The following ATRN variants were observed in gnomAD, a reference collection of about 807,000 sequenced individuals.
ATRN encodes attractin-2.
A neutral mutation model predicts 178.7 loss-of-function variants in ATRN; 54 were observed. The ratio of observed to expected loss-of-function variants is 0.30; its 90% CI spans 0.24 to 0.38. ATRN has a LOEUF of 0.38. ATRN is among the 10% of genes least tolerant of loss of function. The probability of loss-of-function intolerance (pLI) is 1.00; values close to 1 mark genes in which losing one functional copy is unlikely to be tolerated. For missense variants in ATRN, 1,443 were observed against 1,815.1 expected, an observed-to-expected ratio of 0.79 and a Z score of 3.73; for synonymous variants, 636 against 663.0, an observed-to-expected ratio of 0.96 and a Z score of 0.63.
At chr20:3,544,181 C>G (rs767795255) in intron 3 of ATRN, among the ~76,000 whole-genome samples, 1 of 152,140 alleles carries the variant, frequency 6.6e-6, no homozygotes, top group Non-Finnish European at 1.5e-5. Context: ...CATGTACGGT[C>G]CATTGTTTTG....
In ATRN at chr20:3,554,749, G is replaced by A. The variant is rs145432027; in HGVS notation, c.1113-4644G>A. 2.7e-3 allele frequency among the ~76,000 whole-genome samples: 409 copies of A among 152,144 alleles called. 4 individuals carry two copies. Among genetic ancestry groups the A allele is most frequent in the African/African-American group, 9.4e-3 (391 of 41,476 alleles). ...CAAAACTTTTTAGTTGCATTAAAAA[G>A]CAATTCCCATTTTGTTACCCAATGG... On this transcript the variant is annotated intron_variant, in intron 6 of 28. Coordinates refer to ENST00000262919, the MANE Select transcript of ATRN (RefSeq NM_139321.3).
intron 20 of ATRN, among the ~76,000 whole-genome samples, chr20:3,595,344 G>C (rs1340386948): frequency 6.6e-6 from 1 of 152,176 alleles, no homozygotes; most frequent in Non-Finnish European, 1.5e-5. Flanking sequence ...AAAGTGTTTA[G>C]TGTCAAAACA....
chr20:3,611,571 G>C (rs560310408), intron 24 of ATRN, among the ~76,000 whole-genome samples: 136 of 152,062 alleles, frequency 8.9e-4, no homozygotes, highest in Non-Finnish European at 1.6e-3. Flanking sequence ...GCAAAACCCC[G>C]TCTCTACTAA....
At chr20:3,602,159 G>C (rs1055469647) in intron 23 of ATRN, among the ~76,000 whole-genome samples, 13 of 151,826 alleles carry the variant, frequency 8.6e-5, no homozygotes, top group Non-Finnish European at 1.5e-4. Context: ...GTGAAACCCT[G>C]TCTCTACTAA....
intron 24 of ATRN, among the ~76,000 whole-genome samples, chr20:3,609,650 A>G (rs1249674601): frequency 6.6e-6 from 1 of 152,022 alleles, no homozygotes; most frequent in Non-Finnish European, 1.5e-5. Flanking sequence ...CAGTAATCAA[A>G]ATGTGGAAAC....
intron 19 of ATRN, among the ~76,000 whole-genome samples, chr20:3,591,797 C>T (rs1028994095): frequency 6.6e-6 from 1 of 152,130 alleles, no homozygotes; most frequent in Non-Finnish European, 1.5e-5. Flanking sequence ...TCTGAATTCC[C>T]CCTCCTCCCC....
At chr20:3,595,382 AT>A (rs764773014) in intron 20 of ATRN, among the ~76,000 whole-genome samples, 77 of 152,330 alleles carry the variant, frequency 5.1e-4, no homozygotes, top group Non-Finnish European at 7.1e-4. Context: ...TGTAAACATC[AT>A]TATTTCTTAA....
At chr20:3,507,954 C>T (rs140477695) in intron 1 of ATRN, among the ~76,000 whole-genome samples, 6 of 151,950 alleles carry the variant, frequency 3.9e-5, no homozygotes, top group South Asian at 2.1e-4. Flanking sequence ...CCACCCGTCT[C>T]GGCCTCCCAA....
chr20:3,523,048 C>T (rs2085317396), intron 1 of ATRN, among the ~76,000 whole-genome samples: 1 of 152,004 alleles, frequency 6.6e-6, no homozygotes, highest in South Asian at 2.1e-4. Context: ...GGGAACAAAA[C>T]TGGATGGAGA....
At chr20:3,557,883 C>T (rs2146216272) in intron 6 of ATRN, among the ~76,000 whole-genome samples, 1 of 152,136 alleles carries the variant, frequency 6.6e-6, no homozygotes, top group East Asian at 1.9e-4. Context: ...TGCAATATTC[C>T]AAAAATATGT....
chr20:3,570,828 AC>A (rs939816757), intron 11 of ATRN, among the ~76,000 whole-genome samples: 3 of 152,214 alleles, frequency 2.0e-5, no homozygotes, highest in African/African-American at 7.2e-5. Context: ...GTTTTTAAAT[AC>A]GCACAATCTA....
chr20:3,562,300 A>T lies in ATRN; in HGVS notation c.1472A>T (p.His491Leu). ...DLDKNTWSIL[H>L]TQGALVQGGY... The stretch of plus-strand genomic sequence containing the variant: ...GATAAGAACACATGGAGTATATTAC[A>T]CACCCAGGGTGCCCTTGTGCAAGGG... Residue 491 changes from histidine to leucine, a missense_variant, in exon 9 of 29, where the codon CAC becomes CTC. Transcript: ENST00000262919. 1 of 1,613,932 alleles carries T rather than the reference A, an allele frequency of 6.2e-7. No homozygotes were observed.
At chr20:3,518,669 A>G (rs1450850800) in intron 1 of ATRN, among the ~76,000 whole-genome samples, 1 of 152,178 alleles carries the variant, frequency 6.6e-6, no homozygotes, top group African/African-American at 2.4e-5. Context: ...CTCTCTACTG[A>G]ACAATTATCC....
intron 11 of ATRN, among the ~76,000 whole-genome samples, chr20:3,565,850 A>G (rs1374788861): frequency 6.6e-6 from 1 of 151,772 alleles, no homozygotes. Flanking sequence ...TGGACTCAAC[A>G]TATTATTCAC....
intron 24 of ATRN, among the ~76,000 whole-genome samples, chr20:3,621,769 G>T (rs767686419): frequency 6.6e-6 from 1 of 151,990 alleles, no homozygotes; most frequent in Non-Finnish European, 1.5e-5. Flanking sequence ...AAACCAAAAA[G>T]TATGGGAAAA....
At chr20:3,533,491 T>C (rs2085482691) in intron 1 of ATRN, among the ~76,000 whole-genome samples, 1 of 152,216 alleles carries the variant, frequency 6.6e-6, no homozygotes, top group Non-Finnish European at 1.5e-5. Flanking sequence ...ATGTGTGACT[T>C]AACAGAGGGA....
intron 25 of ATRN, among the ~76,000 whole-genome samples, chr20:3,625,070 A>T (rs934178756): frequency 6.6e-6 from 1 of 152,210 alleles, no homozygotes; most frequent in African/African-American, 2.4e-5. Context: ...CTATAGACAA[A>T]TAATTGAAAA....
chr20:3,515,895 G>C (rs1017463125), intron 1 of ATRN, among the ~76,000 whole-genome samples: 6 of 152,128 alleles, frequency 3.9e-5, no homozygotes, highest in Non-Finnish European at 8.8e-5. Context: ...TTTATCCTTT[G>C]TAACTAGAGG....
Position 3,565,128 on chromosome 20 carries a change from G to A in ATRN, c.1787-220G>A, listed in dbSNP as rs566673528. The stretch of plus-strand genomic sequence containing the variant: ...GATCCAGATGTCATGGATTTCGGGT[G>A]CGTTTGCTAGTTAGAATTGTGGTAT... On this transcript the variant is annotated intron_variant, in intron 10 of 28. Coordinates refer to ENST00000262919, the MANE Select transcript of ATRN (RefSeq NM_139321.3). Among the ~76,000 whole-genome samples the A allele has an allele frequency of 3.9e-5, 6 of 152,210 alleles. No individual in the cohort carries two copies. In the South Asian group the frequency reaches 1.0e-3, roughly 26 times the overall value.
Sources: gnomAD v4.1 joint callset for allele counts (sites outside exome capture counted in the v4.1 genomes callset) on GRCh38, gnomAD v4.1.1 for gene constraint, MANE v1.5 for transcripts, NCBI Gene and HGNC (gene_info 2026-07-23, HGNC 2026-07-21) for gene names.